Variants in ASAP1 observed in about 807,000 individuals in gnomAD.
ASAP1 encodes arf-GAP with SH3 domain, ANK repeat and PH domain-containing protein 1.
Under a neutral mutation model 145.2 loss-of-function variants are expected in ASAP1, and 43 were observed. The observed-to-expected ratio is 0.30, with a 90% confidence interval of 0.23 to 0.38. The LOEUF (loss-of-function observed/expected upper bound fraction) is 0.38, where lower values mean the gene tolerates loss of function less well. ASAP1 is among the 10% of genes least tolerant of loss of function. The pLI is 1.00. For synonymous variants in ASAP1, 546 were observed against 515.5 expected, an observed-to-expected ratio of 1.06 and a Z score of -0.80; for missense variants, 1,018 against 1,355.3, an observed-to-expected ratio of 0.75 and a Z score of 3.91.
chr8:130,141,363 T>TC (rs1192053860), intron 13 of ASAP1, among the ~76,000 whole-genome samples: 2 of 152,088 alleles, frequency 1.3e-5, no homozygotes, highest in Non-Finnish European at 2.9e-5. Flanking sequence ...CTCCTGCTGC[T>TC]CACACACTCC....
At chr8:130,171,427 C>T (rs147766661) in intron 9 of ASAP1, among the ~76,000 whole-genome samples, 61 of 151,690 alleles carry the variant, frequency 4.0e-4, no homozygotes, top group South Asian at 2.1e-3. Flanking sequence ...CTTCACAGGG[C>T]GGCAGGAGAG....
At chr8:130,134,720 A>G (rs1337303353) in intron 14 of ASAP1, among the ~76,000 whole-genome samples, 3 of 152,262 alleles carry the variant, frequency 2.0e-5, no homozygotes, top group Non-Finnish European at 2.9e-5. Context: ...ATAAACAGTG[A>G]GGAGAGGGGA....
intron 3 of ASAP1, among the ~76,000 whole-genome samples, chr8:130,347,982 T>C (rs1385242391): frequency 1.3e-5 from 2 of 152,122 alleles, no homozygotes; most frequent in Non-Finnish European, 2.9e-5. Context: ...ACACTTGGGG[T>C]TTCTAGGCCT....
intron 3 of ASAP1, among the ~76,000 whole-genome samples, chr8:130,239,732 T>C (rs1405088260): frequency 6.6e-6 from 1 of 152,160 alleles, no homozygotes; most frequent in Non-Finnish European, 1.5e-5. Flanking sequence ...TTTTGTGATG[T>C]CATTGTTTTA....
chr8:130,276,756 T>TCC (rs1565162770), intron 3 of ASAP1, among the ~76,000 whole-genome samples: 10 of 149,556 alleles, frequency 6.7e-5, no homozygotes, highest in African/African-American at 2.5e-4. Context: ...TCTCTCTCTC[T>TCC]CTCTCCTCTA....
At chr8:130,174,309 T>G (rs752848151) in intron 9 of ASAP1, among the ~76,000 whole-genome samples, 1 of 152,198 alleles carries the variant, frequency 6.6e-6, no homozygotes, top group Non-Finnish European at 1.5e-5. Context: ...GTGAAGCACA[T>G]GTGTGAGTTC....
chr8:130,278,825 G>A (rs1821082592), intron 3 of ASAP1, among the ~76,000 whole-genome samples: 1 of 152,208 alleles, frequency 6.6e-6, no homozygotes, highest in Non-Finnish European at 1.5e-5. Context: ...TCTGGGGGCA[G>A]AACCAGAATT....
intron 3 of ASAP1, among the ~76,000 whole-genome samples, chr8:130,348,104 C>G (rs1825800397): frequency 6.6e-6 from 1 of 152,210 alleles, no homozygotes. Flanking sequence ...TTACAGCCCA[C>G]TGCGTGCTGG....
chr8:130,193,463 C>T (rs191075639), intron 5 of ASAP1, among the ~76,000 whole-genome samples: 1 of 151,954 alleles, frequency 6.6e-6, no homozygotes, highest in Admixed American at 6.6e-5. Context: ...TCTGTTGATA[C>T]CAATTTCCTC....
chr8:130,060,075 C>CAAAAAAA (rs55875346), intron 28 of ASAP1, among the ~76,000 whole-genome samples: 5 of 95,906 alleles, frequency 5.2e-5, no homozygotes, highest in African/African-American at 1.2e-4. Context: ...GAGCCCTTCT[C>CAAAAAAA]AAAAAAAAAA....
intron 5 of ASAP1, among the ~76,000 whole-genome samples, chr8:130,197,987 C>T (rs1815616075): frequency 6.6e-6 from 1 of 152,082 alleles, no homozygotes; most frequent in Non-Finnish European, 1.5e-5. Flanking sequence ...GTATGTAAGC[C>T]CCTAATACAC....
chr8:130,072,389 T>C (rs779815253), intron 27 of ASAP1, among the ~76,000 whole-genome samples: 3 of 152,128 alleles, frequency 2.0e-5, no homozygotes, highest in Non-Finnish European at 4.4e-5. Context: ...TGAAATCTGA[T>C]GGTTTTATAA....
intron 2 of ASAP1, among the ~76,000 whole-genome samples, chr8:130,394,186 G>A (rs991158906): frequency 1.4e-4 from 21 of 152,208 alleles, no homozygotes; most frequent in African/African-American, 4.8e-4. Context: ...CCGGTGAGCT[G>A]GGCGGAACAG....
chr8:130,406,086 G>A (rs1829014152), intron 1 of ASAP1, among the ~76,000 whole-genome samples: 1 of 152,172 alleles, frequency 6.6e-6, no homozygotes, highest in African/African-American at 2.4e-5. Context: ...TCTTTCTGTT[G>A]GTTTTTTGTT....
At chr8:130,428,433 T>C (rs1450944255) in intron 1 of ASAP1, among the ~76,000 whole-genome samples, 4 of 3,960 alleles carry the variant, frequency 1.0e-3, no homozygotes, top group Admixed American at 3.0e-3. Context: ...ATCATCATCA[T>C]CACCACCACC....
At chr8:130,314,866 C>A (rs755555391) in intron 3 of ASAP1, among the ~76,000 whole-genome samples, 2 of 152,146 alleles carry the variant, frequency 1.3e-5, no homozygotes, top group Non-Finnish European at 1.5e-5. Context: ...CTTGTTCAGG[C>A]CAATAATTAA....
chr8:130,142,526 T>C (rs1228086518), intron 13 of ASAP1, among the ~76,000 whole-genome samples: 1 of 152,206 alleles, frequency 6.6e-6, no homozygotes, highest in African/African-American at 2.4e-5. Flanking sequence ...GAGAAACACA[T>C]GGTCCATGCC....
intron 2 of ASAP1, among the ~76,000 whole-genome samples, chr8:130,392,111 C>G (rs750533962): frequency 2.0e-5 from 3 of 152,208 alleles, no homozygotes; most frequent in Non-Finnish European, 4.4e-5. Flanking sequence ...ACTTATATAT[C>G]AACCTTGAGA....
chr8:130,064,365 G>A (rs1359614233), intron 27 of ASAP1, among the ~76,000 whole-genome samples: 2 of 152,148 alleles, frequency 1.3e-5, no homozygotes, highest in South Asian at 2.1e-4. Context: ...TGAGAGAAAC[G>A]GAAGAGCTAA....
Sources: allele counts gnomAD v4.1 joint callset (sites outside exome capture counted in the v4.1 genomes callset), GRCh38; gene constraint gnomAD v4.1.1; transcripts MANE v1.5; gene names NCBI Gene and HGNC (gene_info 2026-07-23, HGNC 2026-07-21).